The following NKAIN3 variants were observed in gnomAD, a reference collection of about 807,000 sequenced individuals.
NKAIN3 encodes sodium/potassium-transporting ATPase subunit beta-1-interacting protein 3.
Under a neutral mutation model 30.2 loss-of-function variants are expected in NKAIN3, and 25 were observed. The observed-to-expected ratio is 0.83, with a 90% CI of 0.60 to 1.16. The LOEUF is 1.16. NKAIN3 is among the 50% of genes most tolerant of loss of function. The pLI, the probability that NKAIN3 is intolerant of heterozygous loss-of-function variation, is 0.00. For missense variants in NKAIN3, 225 were observed against 254.1 expected, an observed-to-expected ratio of 0.89 and a Z score of 0.78; for synonymous variants, 91 against 89.6, an observed-to-expected ratio of 1.02 and a Z score of -0.09.
At chr8:62,705,658 T>G (rs2130479347) in intron 3 of NKAIN3, among the ~76,000 whole-genome samples, 1 of 152,288 alleles carries the variant, frequency 6.6e-6, no homozygotes. Context: ...TTGTTAATTT[T>G]TTTACTCTAC....
intron 3 of NKAIN3, among the ~76,000 whole-genome samples, chr8:62,647,351 A>G (rs955609471): frequency 6.6e-6 from 1 of 152,340 alleles, no homozygotes; most frequent in East Asian, 1.9e-4. Context: ...TTGTTCATCC[A>G]TTAGGCTAAT....
At chr8:62,495,619 A>T (rs1023641935) in intron 1 of NKAIN3, among the ~76,000 whole-genome samples, 1 of 151,414 alleles carries the variant, frequency 6.6e-6, no homozygotes, top group Non-Finnish European at 1.5e-5. Context: ...ATTCAAAAAT[A>T]AAGATGTTTA....
At chr8:62,932,033 A>G (rs1282594590) in intron 5 of NKAIN3, among the ~76,000 whole-genome samples, 3 of 152,228 alleles carry the variant, frequency 2.0e-5, no homozygotes, top group East Asian at 1.9e-4. Flanking sequence ...AAAAGCATTT[A>G]TAGTCCAGAG....
Position 62,542,163 on chromosome 8 carries a change from A to C in NKAIN3, c.55-37376A>C, listed in dbSNP as rs149464076. 1.4e-3 allele frequency among the ~76,000 whole-genome samples: 218 copies of C among 152,306 alleles called. 2 individuals are homozygous for C. Among genetic ancestry groups the C allele is most frequent in the African/African-American group, 3.8e-3 (160 of 41,572 alleles). On this transcript the variant is annotated intron_variant, in intron 1 of 6. Coordinates refer to ENST00000623646, the MANE Select transcript of NKAIN3 (RefSeq NM_001304533.3). The stretch of plus-strand genomic sequence containing the variant: ...AACCACATCTGGGAAGAGAGCTGAG[A>C]AGTGGCAGTTTTTAATACTAAATTC...
intron 3 of NKAIN3, among the ~76,000 whole-genome samples, chr8:62,711,861 G>A (rs1814732387): frequency 6.6e-6 from 1 of 152,100 alleles, no homozygotes; most frequent in Admixed American, 6.5e-5. Flanking sequence ...CTTCCATTTG[G>A]GTAGCCTCTG....
At chr8:62,582,185 A>T (rs1186390712) in intron 2 of NKAIN3, among the ~76,000 whole-genome samples, 1 of 138,224 alleles carries the variant, frequency 7.2e-6, no homozygotes, top group South Asian at 2.3e-4. Flanking sequence ...TCTTTCCTTT[A>T]CTCACTTCTT....
At chr8:62,810,378 T>C (rs563269230) in intron 4 of NKAIN3, among the ~76,000 whole-genome samples, 1 of 152,170 alleles carries the variant, frequency 6.6e-6, no homozygotes, top group East Asian at 1.9e-4. Context: ...AAAAAAGTGT[T>C]TTATTTATGG....
intron 4 of NKAIN3, among the ~76,000 whole-genome samples, chr8:62,796,182 G>A (rs947462121): frequency 2.6e-5 from 4 of 151,642 alleles, no homozygotes; most frequent in Non-Finnish European, 5.9e-5. Flanking sequence ...CCAAGAGTTC[G>A]AAACCAAACT....
chr8:62,346,631 CAT>C (rs960367705), intron 1 of NKAIN3, among the ~76,000 whole-genome samples: 1 of 152,042 alleles, frequency 6.6e-6, no homozygotes, highest in Non-Finnish European at 1.5e-5. Flanking sequence ...AGTGGCACAA[CAT>C]GGATATTACT....
chr8:62,579,663 G>A lies in NKAIN3; in HGVS notation c.179G>A (p.Arg60Gln), dbSNP rs765524369. The change falls in exon 2 of 7, where the codon CGA becomes CAA. Residue 60 changes from arginine (R) to glutamine (Q), a missense_variant. Coordinates refer to ENST00000623646, the MANE Select transcript of NKAIN3 (RefSeq NM_001304533.3). ...GLFGTIQYRP[R>Q]YIMVYTVWTA... ...TTTGGGACCATTCAGTACAGACCTC[G>A]ATACATAATGGTGGTAAGTCTTATT... The A allele has an allele frequency of 4.6e-6, 7 of 1,507,536 alleles. No homozygotes were observed. The highest frequency in any genetic ancestry group is 2.4e-5 in the East Asian group (1 of 41,436). The allele number at this position is 1,507,536 out of a possible 1,614,324, so 93.4% of individuals were successfully genotyped here.
chr8:62,726,676 C>T (rs1390848494), intron 3 of NKAIN3, among the ~76,000 whole-genome samples: 1 of 151,902 alleles, frequency 6.6e-6, no homozygotes, highest in African/African-American at 2.4e-5. Context: ...TATTTATAAT[C>T]CCATGTTTAT....
intron 4 of NKAIN3, among the ~76,000 whole-genome samples, chr8:62,893,441 T>C (rs1247217822): frequency 6.6e-6 from 1 of 152,202 alleles, no homozygotes; most frequent in Non-Finnish European, 1.5e-5. Context: ...CCTTCTAAAA[T>C]AATATTTCCC....
intron 1 of NKAIN3, chr8:62,474,414 C>T (rs867605366): frequency 1.3e-5 from 2 of 152,078 alleles, no homozygotes; most frequent in Non-Finnish European, 2.9e-5. Flanking sequence ...TGTGTGCTGG[C>T]AGGTCACTTT....
At chr8:62,474,058 G>A (rs1257968599) in intron 1 of NKAIN3, 1 of 152,054 alleles carries the variant, frequency 6.6e-6, no homozygotes. Flanking sequence ...TTGTCACCTG[G>A]CATTTCCAAC....
chr8:62,831,127 A>G (rs1334394606), intron 4 of NKAIN3, among the ~76,000 whole-genome samples: 1 of 152,012 alleles, frequency 6.6e-6, no homozygotes, highest in Non-Finnish European at 1.5e-5. Context: ...CCAATATAAG[A>G]CCTGCTGACA....
At chr8:62,887,298 T>C (rs901436888) in intron 4 of NKAIN3, among the ~76,000 whole-genome samples, 3 of 152,164 alleles carry the variant, frequency 2.0e-5, no homozygotes, top group Non-Finnish European at 4.4e-5. Flanking sequence ...TGATTTTAAG[T>C]TATGAATCTC....
chr8:62,553,518 G>T (rs1311244310), intron 1 of NKAIN3, among the ~76,000 whole-genome samples: 3 of 149,308 alleles, frequency 2.0e-5, no homozygotes, highest in Admixed American at 1.3e-4. Context: ...AAATGAGCAT[G>T]TTGTATTTTT....
chr8:62,255,356 CTG>C (rs1427842087), intron 1 of NKAIN3, among the ~76,000 whole-genome samples: 1 of 152,130 alleles, frequency 6.6e-6, no homozygotes, highest in Non-Finnish European at 1.5e-5. Context: ...CACATGAAGA[CTG>C]AGGATTGGAG....
chr8:62,346,559 G>A (rs747540185), intron 1 of NKAIN3, among the ~76,000 whole-genome samples: 1 of 152,068 alleles, frequency 6.6e-6, no homozygotes, highest in African/African-American at 2.4e-5. Context: ...TCATATACAT[G>A]CAGAAGAAAT....
Sources: gnomAD v4.1 joint callset for allele counts (sites outside exome capture counted in the v4.1 genomes callset) on GRCh38, gnomAD v4.1.1 for gene constraint, MANE v1.5 for transcripts, NCBI Gene and HGNC (gene_info 2026-07-23, HGNC 2026-07-21) for gene names.